ZNF292: variants seen among roughly 807,000 people sequenced by gnomAD.
ZNF292 encodes the protein zinc finger protein 292.
In ZNF292, 26 loss-of-function variants were observed where a neutral mutation model predicts 217.9. That is an observed-to-expected ratio of 0.12 (90% CI 0.09 to 0.17). The LOEUF (loss-of-function observed/expected upper bound fraction) is 0.17. ZNF292 is among the 10% of genes least tolerant of loss of function. The pLI is 1.00. For missense variants in ZNF292, 2,904 were observed against 3,175.2 expected (o/e 0.91, Z 2.05); for synonymous variants, 1,257 against 1,124.1 (o/e 1.12, Z -2.37).
In ZNF292 at chr6:87,259,957, C is replaced by A; in HGVS notation, c.6328C>A (p.Pro2110Thr). ...CCTTGAGTTTCCAACAAGATACAGT[C>A]CTTACAGACCTTATCGATGTGTTCA... ...QSLEFPTRYS[P>T]YRPYRCVHQG... Residue 2110 changes from proline (P) to threonine (T), a missense_variant, in exon 8 of 8, where the codon CCT (proline) becomes ACT (threonine). By Grantham distance (38) the Pro-to-Thr change is conservative (BLOSUM62 -1). Coordinates refer to ENST00000369577, the MANE Select transcript of ZNF292 (RefSeq NM_015021.3). 1 of 1,613,618 alleles carries A rather than the reference C, an allele frequency of 6.2e-7. No homozygotes were observed. Among genetic ancestry groups the A allele is most frequent in the South Asian group, 1.1e-5 (1 of 91,062 alleles).
chr6:87,259,893 A>G lies in ZNF292; in HGVS notation c.6264A>G (p.Glu2088=). 1 of 1,613,598 alleles carries G rather than the reference A, an allele frequency of 6.2e-7. No homozygotes were observed. Among genetic ancestry groups the G allele is most frequent in the Non-Finnish European group, 8.5e-7 (1 of 1,179,678 alleles). ...KGRKIRRHKK[E]KEEKKRKKPV... ...GGAAGATTAGGAGGCATAAAAAAGAAAAGGAGGAGAAAAAACGAAAGAAGC... is the reference window on the plus strand; with the variant it reads ...GGAAGATTAGGAGGCATAAAAAAGAGAAGGAGGAGAAAAAACGAAAGAAGC... The change falls in exon 8 of 8, where the codon GAA becomes GAG. Residue 2088 remains glutamate (E), a synonymous_variant. Coordinates refer to ENST00000369577, the MANE Select transcript of ZNF292 (RefSeq NM_015021.3).
chr6:87,245,365 T>C, intron 6 of ZNF292, 138 bp from the exon 7 acceptor site: 1 of 481,746 alleles, frequency 2.1e-6, no homozygotes, highest in Non-Finnish European at 3.5e-6. Context: ...GGATCTGTTT[T>C]CTTGCATTTT....
chr6:87,242,113 T>C (rs1774321883), intron 5 of ZNF292, among the ~76,000 whole-genome samples: 1 of 152,226 alleles, frequency 6.6e-6, no homozygotes, highest in Admixed American at 6.5e-5. Context: ...TAACATATTG[T>C]AGATATTTTT....
chr6:87,257,823 T>A lies in ZNF292; in HGVS notation c.4194T>A (p.Ser1398=). The A allele has an allele frequency of 6.2e-7, 1 of 1,613,878 alleles. No homozygotes were observed. Residue 1398 remains serine (S), a synonymous_variant, in exon 8 of 8, where the codon TCT becomes TCA. Coordinates refer to ENST00000369577, the MANE Select transcript of ZNF292 (RefSeq NM_015021.3). The part of the protein sequence containing the change: ...RSLGGHLSKR[S]YCKPLDGAEI... Reference sequence around the variant, plus strand: ...TGGGTGGGCACTTATCCAAGCGATCTTACTGTAAACCACTGGATGGAGCCG... The same window carrying A: ...TGGGTGGGCACTTATCCAAGCGATCATACTGTAAACCACTGGATGGAGCCG...
intron 1 of ZNF292, 115 bp downstream of exon 1, chr6:87,155,874 G>C: frequency 7.6e-7 from 1 of 1,318,066 alleles, no homozygotes. Context: ...CGGCGCCTCC[G>C]CCTGGGTGGG....
At chr6:87,201,854 A>C (rs761193286) in intron 1 of ZNF292, among the ~76,000 whole-genome samples, 1 of 152,154 alleles carries the variant, frequency 6.6e-6, no homozygotes, top group Non-Finnish European at 1.5e-5. Context: ...TACTTTCCTC[A>C]CTGGTTTCTG....
chr6:87,222,779 C>T, intron 4 of ZNF292: 2 of 450,768 alleles, frequency 4.4e-6, no homozygotes, highest in South Asian at 3.1e-5. Context: ...GGATTCCATC[C>T]AGGATACCAC....
intron 1 of ZNF292, among the ~76,000 whole-genome samples, chr6:87,186,197 AG>A (rs1269961829): frequency 1.3e-5 from 2 of 152,236 alleles, no homozygotes; most frequent in Non-Finnish European, 2.9e-5. Context: ...TTAATATACA[AG>A]GATGCCTTCA....
rs779818019 is a variant in ZNF292 at position 87,258,309 on chromosome 6, C to A, written c.4680C>A (p.Ser1560=). 6.2e-7 allele frequency: 1 copy of A among 1,613,542 alleles called. No homozygotes were observed. The highest frequency in any genetic ancestry group is 2.2e-5 in the East Asian group (1 of 44,872). Reference sequence around the variant, plus strand: ...GGACGTCAAACTCCAAAACTTCCTCCATTGAGGAATGTAGCAGCTTGCCTG... The same window carrying A: ...GGACGTCAAACTCCAAAACTTCCTCAATTGAGGAATGTAGCAGCTTGCCTG... ...QNRTSNSKTS[S]IEECSSLPVF... The change falls in exon 8 of 8, where the codon TCC becomes TCA. Residue 1560 remains serine, a synonymous_variant. Transcript: ENST00000369577.
chr6:87,221,137 C>A (rs1425532514), intron 4 of ZNF292, among the ~76,000 whole-genome samples: 2 of 152,050 alleles, frequency 1.3e-5, no homozygotes, highest in Non-Finnish European at 2.9e-5. Context: ...CCCAGCTCAA[C>A]TGAGAAATAC....
chr6:87,237,337 G>A (rs1005017439), intron 5 of ZNF292, among the ~76,000 whole-genome samples: 3 of 151,946 alleles, frequency 2.0e-5, no homozygotes, highest in African/African-American at 4.8e-5. Flanking sequence ...CTCTGCCTCC[G>A]GGGTTCAATT....
intron 1 of ZNF292, among the ~76,000 whole-genome samples, chr6:87,187,248 A>G (rs1199559955): frequency 6.6e-6 from 1 of 152,206 alleles, no homozygotes; most frequent in African/African-American, 2.4e-5. Context: ...GATAAATATC[A>G]GTAAAGTTTA....
At chr6:87,170,488 A>G (rs1211253643) in intron 1 of ZNF292, 1 of 152,248 alleles carries the variant, frequency 6.6e-6, no homozygotes, top group Non-Finnish European at 1.5e-5. Flanking sequence ...ATATGTTGGC[A>G]ATAAATTGAT....
chr6:87,257,111 T>C lies in ZNF292; in HGVS notation c.3482T>C (p.Val1161Ala), dbSNP rs1775267857. The change falls in exon 8 of 8, where the codon GTG becomes GCG. Residue 1161 changes from valine to alanine, a missense_variant. Coordinates refer to ENST00000369577, the MANE Select transcript of ZNF292 (RefSeq NM_015021.3). ...TTTGTTTATTTTTTGCCATCACCGGTGAACAGCTCAAATCCATTTTTTACA... is the reference window on the plus strand; with the variant it reads ...TTTGTTTATTTTTTGCCATCACCGGCGAACAGCTCAAATCCATTTTTTACA... ...GKFVYFLPSP[V>A]NSSNPFFTSQ... 6.2e-7 allele frequency: 1 copy of C among 1,613,864 alleles called. No individual in the cohort carries two copies. The highest frequency in any genetic ancestry group is 8.5e-7 in the Non-Finnish European group (1 of 1,179,834).
At position 87,259,622 on chromosome 6, in the gene ZNF292, C is replaced by T. The variant is rs189808859; in HGVS notation, c.5993C>T (p.Pro1998Leu). 1,216 of 1,581,402 alleles carry T rather than the reference C, an allele frequency of 7.7e-4. 6 individuals carry two copies. The highest frequency in any genetic ancestry group is 5.7e-4 in the Non-Finnish European group (665 of 1,162,960). The stretch of plus-strand genomic sequence containing the variant: ...AGAAAATCTCAGAGTGAAAATGTGC[C>T]GGCCTCACGAAGTACACAAGTGAAA... ...YGRKSQSENV[P>L]ASRSTQVKKQ... Residue 1998 changes from proline to leucine, a missense_variant, in exon 8 of 8, where the codon CCG becomes CTG. This residue lies in a region of ZNF292 where 261 missense variants were observed against 272.8 expected (regional missense o/e 0.96). Transcript: ENST00000369577.
At chr6:87,242,783 T>G (rs1020997449) in intron 5 of ZNF292, among the ~76,000 whole-genome samples, 3 of 152,216 alleles carry the variant, frequency 2.0e-5, no homozygotes, top group Non-Finnish European at 2.9e-5. Context: ...GTAATAAATT[T>G]TAATTTTTTT....
intron 1 of ZNF292, chr6:87,174,002 G>C (rs1313466870): frequency 7.5e-6 from 2 of 267,230 alleles, no homozygotes; most frequent in Non-Finnish European, 1.5e-5. Flanking sequence ...TCAATGTTAA[G>C]ATTAATGTGT....
chr6:87,161,529 C>T (rs1188634056), intron 1 of ZNF292, among the ~76,000 whole-genome samples: 2 of 152,154 alleles, frequency 1.3e-5, no homozygotes, highest in African/African-American at 4.8e-5. Context: ...CTTAAGCGAT[C>T]CTCTTGCCTC....
chr6:87,205,537 C>T (rs180671817), intron 1 of ZNF292, among the ~76,000 whole-genome samples: 2 of 151,684 alleles, frequency 1.3e-5, no homozygotes, highest in Admixed American at 1.3e-4. Context: ...CCATTTTATT[C>T]AGATTTTTAA....
Sources: gnomAD v4.1 joint callset for allele counts (sites outside exome capture counted in the v4.1 genomes callset) on GRCh38, gnomAD v4.1.1 for gene constraint, gnomAD v4.1.1 regional missense constraint, MANE v1.5 for transcripts, NCBI Gene and HGNC (gene_info 2026-07-23, HGNC 2026-07-21) for gene names.